Variants in ITFG1 observed in about 807,000 individuals in gnomAD.
ITFG1 encodes integrin alpha FG-GAP repeat containing 1.
In ITFG1, 34 loss-of-function variants were observed where a neutral mutation model predicts 81.8. That is an observed-to-expected ratio of 0.42 (90% CI 0.32 to 0.55). The LOEUF (loss-of-function observed/expected upper bound fraction) is 0.55, where lower values mean the gene tolerates loss of function less well. Ranked by LOEUF, ITFG1 falls within the 20% of genes least tolerant of loss-of-function variation. The pLI is 0.17. For synonymous variants in ITFG1, 285 were observed against 270.6 expected (o/e 1.05, Z -0.52); for missense variants, 672 against 755.4 (o/e 0.89, Z 1.29).
intron 6 of ITFG1, among the ~76,000 whole-genome samples, chr16:47,411,049 C>T (rs1968804371): frequency 6.6e-6 from 1 of 152,186 alleles, no homozygotes; most frequent in Non-Finnish European, 1.5e-5. Flanking sequence ...TTGCTGCCAG[C>T]CCTACCTGCA....
At chr16:47,351,889 C>T (rs1356060210) in intron 8 of ITFG1, among the ~76,000 whole-genome samples, 1 of 152,016 alleles carries the variant, frequency 6.6e-6, no homozygotes, top group Non-Finnish European at 1.5e-5. Context: ...CAGAACAGAC[C>T]CCTCAGAAAT....
intron 10 of ITFG1, among the ~76,000 whole-genome samples, chr16:47,279,511 A>G (rs868274263): frequency 6.6e-6 from 1 of 152,184 alleles, no homozygotes; most frequent in African/African-American, 2.4e-5. Flanking sequence ...TGCCTTGCCA[A>G]TACCACACTG....
intron 7 of ITFG1, among the ~76,000 whole-genome samples, chr16:47,371,799 C>CAATGA (rs1968257811): frequency 6.6e-6 from 1 of 151,970 alleles, no homozygotes; most frequent in Admixed American, 6.6e-5. Flanking sequence ...AAACAATCGA[C>CAATGA]AATGAACAAG....
intron 10 of ITFG1, among the ~76,000 whole-genome samples, chr16:47,306,689 T>C (rs1596878406): frequency 6.8e-6 from 1 of 148,038 alleles, no homozygotes; most frequent in South Asian, 2.1e-4. Flanking sequence ...CAGGAAAAAA[T>C]GTAAAAATAA....
chr16:47,158,284 G>A (rs536672497), intron 17 of ITFG1, among the ~76,000 whole-genome samples: 11 of 152,122 alleles, frequency 7.2e-5, no homozygotes, highest in South Asian at 6.2e-4. Flanking sequence ...CTGTAGAGAC[G>A]GGGTTTCATC....
intron 6 of ITFG1, among the ~76,000 whole-genome samples, chr16:47,415,481 G>A (rs1277385270): frequency 6.6e-6 from 1 of 152,176 alleles, no homozygotes; most frequent in African/African-American, 2.4e-5. Context: ...TAGCAGAGAT[G>A]AATCGGAATT....
In ITFG1 at chr16:47,260,810, G is replaced by A. The variant is rs1012438210; in HGVS notation, c.1071-115C>T. On this transcript the variant is annotated intron_variant, in intron 10 of 17. Coordinates refer to ENST00000320640, the MANE Select transcript of ITFG1 (RefSeq NM_030790.5). ...TAAACGGTACACAGTGAAATTACAC[G>A]AAAAAATCTCCACATTTTTTGTTTA... The A allele has an allele frequency of 1.6e-5, 18 of 1,102,170 alleles. No homozygotes were observed. The Middle Eastern group carries it at 6.2e-4, about 38-fold the overall frequency. The allele number at this position is 1,102,170 out of a possible 1,614,324, so 68.3% of individuals were successfully genotyped here. A position where few individuals can be genotyped will look rare whatever the true frequency, so the allele number is the denominator to read the frequency against.
intron 15 of ITFG1, among the ~76,000 whole-genome samples, chr16:47,162,222 T>A (rs957187724): frequency 1.3e-5 from 2 of 151,768 alleles, no homozygotes; most frequent in African/African-American, 2.4e-5. Context: ...TGTATAATAA[T>A]ATTATTTATG....
intron 6 of ITFG1, among the ~76,000 whole-genome samples, chr16:47,405,327 C>T (rs1038651179): frequency 6.6e-6 from 1 of 152,138 alleles, no homozygotes; most frequent in Non-Finnish European, 1.5e-5. Context: ...TTAAAGTGAG[C>T]ATGTACTAGT....
At chr16:47,262,337 CCTGT>C (rs1266927181) in intron 10 of ITFG1, among the ~76,000 whole-genome samples, 14 of 152,278 alleles carry the variant, frequency 9.2e-5, no homozygotes, top group South Asian at 8.3e-4. Flanking sequence ...TTCTTTGTCT[CCTGT>C]CTAACAATGA....
At chr16:47,389,216 CT>C (rs1968500740) in intron 6 of ITFG1, among the ~76,000 whole-genome samples, 1 of 152,052 alleles carries the variant, frequency 6.6e-6, no homozygotes, top group South Asian at 2.1e-4. Flanking sequence ...CAAATGACCC[CT>C]GATAGTAATT....
chr16:47,384,551 A>G lies in ITFG1; in HGVS notation c.656-8611T>C, dbSNP rs1221397343. On this transcript the variant is annotated intron_variant, in intron 6 of 17. Coordinates refer to ENST00000320640, the MANE Select transcript of ITFG1 (RefSeq NM_030790.5). ...TATTTCTGGAACATACTGGAAGGGA[A>G]TATTTTTCCTGAATCTAGAGCACTG... is the stretch of plus-strand genomic sequence containing the variant. 2.6e-5 allele frequency among the ~76,000 whole-genome samples: 4 copies of G among 152,226 alleles called. No homozygotes were observed. In the South Asian group the frequency reaches 6.2e-4, roughly 24 times the overall value.
At chr16:47,300,990 ATAAGTAGAC>A (rs1374571299) in intron 10 of ITFG1, among the ~76,000 whole-genome samples, 2 of 152,372 alleles carry the variant, frequency 1.3e-5, no homozygotes, top group East Asian at 3.9e-4. Context: ...TAATTCATAA[ATAAGTAGAC>A]TATATGATTT....
intron 10 of ITFG1, among the ~76,000 whole-genome samples, chr16:47,304,171 C>T (rs536937022): frequency 2.0e-5 from 3 of 152,188 alleles, no homozygotes; most frequent in South Asian, 4.2e-4. Flanking sequence ...AGTCTACAGT[C>T]GGTAGGAGGT....
At position 47,437,889 on chromosome 16, in the gene ITFG1, C is replaced by T. The variant is rs193141890; in HGVS notation, c.561-8991G>A. ...TGAGCAAAAGCAGGGCGAGGCATCGCCTCACCTGGGAAGCGCAAGGGGTCA... is the reference window on the plus strand; with the variant it reads ...TGAGCAAAAGCAGGGCGAGGCATCGTCTCACCTGGGAAGCGCAAGGGGTCA... On this transcript the variant is annotated intron_variant, in intron 5 of 17. Coordinates refer to ENST00000320640, the MANE Select transcript of ITFG1 (RefSeq NM_030790.5). Among the ~76,000 whole-genome samples the T allele has an allele frequency of 1.5e-3, 228 of 152,354 alleles. 4 individuals carry two copies. The highest frequency in any genetic ancestry group is 9.0e-4 in the Non-Finnish European group (61 of 68,040).
intron 6 of ITFG1, among the ~76,000 whole-genome samples, chr16:47,388,788 C>A (rs1368173551): frequency 6.6e-6 from 1 of 152,132 alleles, no homozygotes; most frequent in Admixed American, 6.5e-5. Flanking sequence ...CCCCGTCTTA[C>A]ACTCAAGTTA....
At chr16:47,202,940 T>C (rs1965445129) in intron 14 of ITFG1, among the ~76,000 whole-genome samples, 1 of 152,068 alleles carries the variant, frequency 6.6e-6, no homozygotes, top group Non-Finnish European at 1.5e-5. Context: ...GAAAATGGTA[T>C]AGTGGTTCCT....
intron 9 of ITFG1, among the ~76,000 whole-genome samples, chr16:47,313,446 G>T (rs1417387837): frequency 6.6e-6 from 1 of 152,142 alleles, no homozygotes; most frequent in African/African-American, 2.4e-5. Flanking sequence ...TTTTATTATA[G>T]TGTGTTTTGC....
chr16:47,167,828 T>C (rs1964912175), intron 14 of ITFG1, among the ~76,000 whole-genome samples: 1 of 152,262 alleles, frequency 6.6e-6, no homozygotes, highest in African/African-American at 2.4e-5. Flanking sequence ...CAGCTGTTGA[T>C]GGCCATTTGG....
Sources: allele counts gnomAD v4.1 joint callset (sites outside exome capture counted in the v4.1 genomes callset), GRCh38; gene constraint gnomAD v4.1.1; transcripts MANE v1.5; gene names NCBI Gene and HGNC (gene_info 2026-07-23, HGNC 2026-07-21).